KIF16B: variants seen among roughly 807,000 people sequenced by gnomAD.
The protein encoded by KIF16B is kinesin-like protein KIF16B.
KIF16B carries 98 observed loss-of-function variants against 156.3 expected under a neutral mutation model. The observed-to-expected ratio is 0.63, with a 90% CI of 0.53 to 0.74. The LOEUF is 0.74. KIF16B is among the 30% of genes least tolerant of loss of function. KIF16B has a pLI of 0.00. For missense variants in KIF16B, 1,421 were observed against 1,606.5 expected, an observed-to-expected ratio of 0.88 and a Z score of 1.97; for synonymous variants, 564 against 583.7, an observed-to-expected ratio of 0.97 and a Z score of 0.49.
intron 23 of KIF16B, among the ~76,000 whole-genome samples, chr20:16,353,027 T>C (rs2064369656): frequency 2.0e-5 from 3 of 152,334 alleles, no homozygotes; most frequent in South Asian, 2.1e-4. Flanking sequence ...AAAAACTGAT[T>C]TTTTAAAAGA....
intron 25 of KIF16B, among the ~76,000 whole-genome samples, chr20:16,296,557 C>A (rs1407506213): frequency 6.6e-6 from 1 of 152,184 alleles, no homozygotes; most frequent in Non-Finnish European, 1.5e-5. Flanking sequence ...GTTGGAGAAT[C>A]CCTGTTATGT....
rs1277610979 is a variant in KIF16B, at chr20:16,526,173, T to G, written c.150A>C (p.Arg50Ser). The G allele has an allele frequency of 6.2e-7, 1 of 1,603,154 alleles. No individual in the cohort carries two copies. The highest frequency in any genetic ancestry group is 1.3e-5 in the African/African-American group (1 of 74,600). ...IPEGGTGDSG[R>S]ERTKTFTYDF... The stretch of plus-strand genomic sequence containing the variant: ...CATAGGTGAAGGTCTTGGTCCGTTC[T>G]CTTCCTGAGTCCCCAGTGCCTCCTT... The change falls in exon 3 of 26, where the codon AGA becomes AGC. Residue 50 changes from arginine (R) to serine (S), a missense_variant. Coordinates refer to ENST00000354981, the MANE Select transcript of KIF16B (RefSeq NM_024704.5).
At chr20:16,371,788 T>A in intron 20 of KIF16B, 27 bp from the exon 21 acceptor site, 1 of 1,470,330 alleles carries the variant, frequency 6.8e-7, no homozygotes, top group Non-Finnish European at 9.5e-7. Context: ...ATGGAGTAGA[T>A]CTGACACTTC....
chr20:16,344,857 A>C (rs953657156), intron 23 of KIF16B, among the ~76,000 whole-genome samples: 2 of 152,192 alleles, frequency 1.3e-5, no homozygotes, highest in African/African-American at 4.8e-5. Context: ...CAACTCCCTG[A>C]GTATCCTTTT....
chr20:16,328,919 T>C (rs537024142), intron 24 of KIF16B, among the ~76,000 whole-genome samples: 1 of 152,320 alleles, frequency 6.6e-6, no homozygotes, highest in African/African-American at 2.4e-5. Flanking sequence ...AATTGTAGGT[T>C]AAATTTCAAC....
Position 16,354,179 on chromosome 20 carries a change from T to G in KIF16B, c.3621+2151A>C, listed in dbSNP as rs2064391654. 2.0e-5 allele frequency among the ~76,000 whole-genome samples: 3 copies of G among 152,248 alleles called. No homozygotes were observed. In the South Asian group the frequency reaches 6.2e-4, roughly 31 times the overall value. On this transcript the variant is annotated intron_variant, in intron 23 of 25. Coordinates refer to ENST00000354981, the MANE Select transcript of KIF16B (RefSeq NM_024704.5). Reference sequence around the variant, plus strand: ...TATTTGCTTGTAATTTTTATTTAAATCAATGCAGTTTTTAAAATATTAAAT... The same window carrying G: ...TATTTGCTTGTAATTTTTATTTAAAGCAATGCAGTTTTTAAAATATTAAAT...
At chr20:16,277,832 T>C (rs1478794577) in intron 25 of KIF16B, among the ~76,000 whole-genome samples, 2 of 152,146 alleles carry the variant, frequency 1.3e-5, no homozygotes, top group Non-Finnish European at 2.9e-5. Flanking sequence ...TCACAGGACA[T>C]TTTCTCCATT....
intron 15 of KIF16B, among the ~76,000 whole-genome samples, chr20:16,407,047 T>TA (rs1555876877): frequency 6.6e-6 from 1 of 152,188 alleles, no homozygotes; most frequent in Non-Finnish European, 1.5e-5. Context: ...ATTAGACCCA[T>TA]AAGAAAGGGT....
intron 25 of KIF16B, among the ~76,000 whole-genome samples, chr20:16,294,629 C>T (rs2063357233): frequency 6.6e-6 from 1 of 152,170 alleles, no homozygotes; most frequent in Non-Finnish European, 1.5e-5. Flanking sequence ...GGTCAGGGTC[C>T]ATGGGGGCTG....
At chr20:16,329,552 A>G (rs1039470944) in intron 24 of KIF16B, among the ~76,000 whole-genome samples, 1 of 152,232 alleles carries the variant, frequency 6.6e-6, no homozygotes, top group African/African-American at 2.4e-5. Flanking sequence ...GTTGCTTTCA[A>G]TAACACATTG....
At chr20:16,528,480 G>T in intron 1 of KIF16B, 40 bp from the exon 2 acceptor site, 1 of 1,397,804 alleles carries the variant, frequency 7.2e-7, no homozygotes, top group Non-Finnish European at 1.0e-6. Context: ...GAAGAGAAAA[G>T]ATTATTAAAA....
chr20:16,429,065 AT>A, intron 13 of KIF16B, 61 bp from the exon 14 acceptor site: 2 of 1,407,226 alleles, frequency 1.4e-6, no homozygotes, highest in Non-Finnish European at 2.0e-6. Flanking sequence ...TTGTTTCTTC[AT>A]TTTTCATTGA....
At chr20:16,476,816 T>TG (rs2067827836) in intron 12 of KIF16B, among the ~76,000 whole-genome samples, 1 of 152,188 alleles carries the variant, frequency 6.6e-6, no homozygotes, top group African/African-American at 2.4e-5. Context: ...TGGAATGCAG[T>TG]GGCTCAATCT....
At chr20:16,549,080 T>A (rs2147276881) in intron 1 of KIF16B, among the ~76,000 whole-genome samples, 1 of 151,486 alleles carries the variant, frequency 6.6e-6, no homozygotes, top group African/African-American at 2.4e-5. Context: ...AGGGTACATG[T>A]GCACATTGTG....
At chr20:16,445,419 C>CGTGTGTGTAT (rs1555774589) in intron 12 of KIF16B, among the ~76,000 whole-genome samples, 12 of 146,760 alleles carry the variant, frequency 8.2e-5, no homozygotes, top group African/African-American at 3.0e-4. Context: ...CATGTATATA[C>CGTGTGTGTAT]GTGTGTGTGT....
chr20:16,401,786 G>A (rs942013619), intron 17 of KIF16B, among the ~76,000 whole-genome samples: 1 of 152,100 alleles, frequency 6.6e-6, no homozygotes, highest in African/African-American at 2.4e-5. Context: ...ATTCTACTTT[G>A]CTCCACTTCT....
chr20:16,516,465 T>G (rs971220377), intron 3 of KIF16B, among the ~76,000 whole-genome samples: 2 of 152,326 alleles, frequency 1.3e-5, no homozygotes, highest in African/African-American at 2.4e-5. Context: ...AAAGCTTTCA[T>G]GTAGTCTCCT....
At chr20:16,444,801 G>A (rs969265176) in intron 12 of KIF16B, among the ~76,000 whole-genome samples, 5 of 152,094 alleles carry the variant, frequency 3.3e-5, no homozygotes, top group Non-Finnish European at 5.9e-5. Flanking sequence ...GATGAAAAAC[G>A]CTGCACATAC....
intron 10 of KIF16B, among the ~76,000 whole-genome samples, chr20:16,498,951 C>T (rs1254498042): frequency 6.6e-6 from 1 of 151,858 alleles, no homozygotes; most frequent in South Asian, 2.1e-4. Context: ...ATGAAGACTA[C>T]CATGGGCCAC....
Sources: gnomAD v4.1 joint callset for allele counts (sites outside exome capture counted in the v4.1 genomes callset) on GRCh38, gnomAD v4.1.1 for gene constraint, MANE v1.5 for transcripts, NCBI Gene and HGNC (gene_info 2026-07-23, HGNC 2026-07-21) for gene names.